The following METTL15 variants were observed in gnomAD, a reference collection of about 807,000 sequenced individuals.
The protein encoded by METTL15 is methyltransferase 15, mitochondrial 12S rRNA N4-cytidine.
Under a neutral mutation model 38.3 loss-of-function variants are expected in METTL15, and 34 were observed. The observed-to-expected ratio is 0.89, with a 90% CI of 0.68 to 1.18. The LOEUF (loss-of-function observed/expected upper bound fraction) is 1.18, where lower values mean the gene tolerates loss of function less well. Among genes scored for constraint, METTL15 ranks in the 50% most tolerant of loss-of-function variants. The probability of loss-of-function intolerance (pLI) is 0.00; values close to 1 mark genes in which losing one functional copy is unlikely to be tolerated. For synonymous variants in METTL15, 162 were observed against 170.9 expected (o/e 0.95, Z 0.41); for missense variants, 438 against 498.4 (o/e 0.88, Z 1.15).
At chr11:28,428,125 A>T (rs1415495929) in intron 6 of METTL15, among the ~76,000 whole-genome samples, 2 of 152,218 alleles carry the variant, frequency 1.3e-5, no homozygotes, top group Non-Finnish European at 2.9e-5. Flanking sequence ...GTCATTAGGT[A>T]ATTTTGTACA....
chr11:28,328,039 C>T, intron 6 of METTL15: 1 of 1,549,918 alleles, frequency 6.5e-7, no homozygotes, highest in South Asian at 1.2e-5. Context: ...TTTATGTGCT[C>T]CATGAATGTT....
At chr11:28,311,538 A>G (rs994481534) in intron 6 of METTL15, among the ~76,000 whole-genome samples, 6 of 152,204 alleles carry the variant, frequency 3.9e-5, no homozygotes, top group African/African-American at 1.4e-4. Context: ...AATTTACTTG[A>G]ATACTTTACA....
intron 6 of METTL15, among the ~76,000 whole-genome samples, chr11:28,440,325 A>C (rs1590375782): frequency 6.6e-6 from 1 of 152,190 alleles, no homozygotes; most frequent in African/African-American, 2.4e-5. Context: ...TAATAATATA[A>C]AAATTGCTTA....
chr11:28,444,812 C>T (rs570452587), intron 6 of METTL15, among the ~76,000 whole-genome samples: 41 of 152,276 alleles, frequency 2.7e-4, no homozygotes, highest in Admixed American at 2.0e-3. Flanking sequence ...GTAGCCTACA[C>T]GGAAATAAAC....
At chr11:28,434,458 C>T (rs1850963875) in intron 6 of METTL15, among the ~76,000 whole-genome samples, 1 of 152,224 alleles carries the variant, frequency 6.6e-6, no homozygotes, top group South Asian at 2.1e-4. Context: ...TTGTTGAATT[C>T]TCATATTGGT....
intron 5 of METTL15, among the ~76,000 whole-genome samples, chr11:28,296,338 T>C (rs1046471998): frequency 6.6e-6 from 1 of 152,150 alleles, no homozygotes; most frequent in Non-Finnish European, 1.5e-5. Context: ...GTTCTTGAGT[T>C]AGACTTTTTA....
intron 5 of METTL15, among the ~76,000 whole-genome samples, chr11:28,370,330 G>A (rs1850230319): frequency 6.6e-6 from 1 of 150,486 alleles, no homozygotes; most frequent in African/African-American, 2.4e-5. Context: ...TCTCTGCTTG[G>A]CTTATTTTAT....
intron 3 of METTL15, among the ~76,000 whole-genome samples, chr11:28,136,553 T>G (rs1849520786): frequency 6.6e-6 from 1 of 152,220 alleles, no homozygotes; most frequent in Non-Finnish European, 1.5e-5. Flanking sequence ...AATAACATAA[T>G]AACCTTAATT....
At position 28,330,475 on chromosome 11, in the gene METTL15, G is replaced by C; in HGVS notation, c.858G>C (p.Gln286His). 6.4e-7 allele frequency: 1 copy of C among 1,551,476 alleles called. No individual in the cohort carries two copies. The highest frequency in any genetic ancestry group is 8.7e-7 in the Non-Finnish European group (1 of 1,146,862). The change falls in exon 7 of 7, where the codon CAG (glutamine) becomes CAC (histidine). Residue 286 changes from glutamine to histidine, a missense_variant. By Grantham distance (24) the Gln-to-His change is conservative. Transcript: ENST00000407364. The stretch of plus-strand genomic sequence containing the variant: ...CCCATATTGCCACCAAGACTTTCCA[G>C]GCTCTTCGCATATTTGTGAACAATG... ...RSTHIATKTF[Q>H]ALRIFVNNEL...
In METTL15 at chr11:28,135,551, C is replaced by G. The variant is rs1053470408; in HGVS notation, c.270+21947C>G. Among the ~76,000 whole-genome samples the G allele has an allele frequency of 1.5e-4, 23 of 152,314 alleles. No individual in the cohort carries two copies. In the South Asian group the frequency reaches 2.1e-3, roughly 14 times the overall value. ...AGATTTCCCAAGGGGCTTTTATTGG[C>G]TCTGCAAGCCATGCTTGATTCCTTA... On this transcript the variant is annotated intron_variant, in intron 3 of 6. Transcript: ENST00000407364.
At chr11:28,439,901 G>C (rs1851019492) in intron 6 of METTL15, among the ~76,000 whole-genome samples, 1 of 152,228 alleles carries the variant, frequency 6.6e-6, no homozygotes, top group Non-Finnish European at 1.5e-5. Context: ...CCAGATACAA[G>C]AAAATGTTCT....
intron 5 of METTL15, among the ~76,000 whole-genome samples, chr11:28,392,085 C>A (rs1365051157): frequency 1.3e-5 from 2 of 152,068 alleles, no homozygotes; most frequent in Non-Finnish European, 2.9e-5. Context: ...GGCTAATATC[C>A]AGAATCTACT....
chr11:28,200,462 A>G (rs149793541), intron 3 of METTL15, among the ~76,000 whole-genome samples: 7 of 152,286 alleles, frequency 4.6e-5, no homozygotes, highest in Admixed American at 2.0e-4. Context: ...TGTAACATAC[A>G]TAGTCGTTAT....
chr11:28,385,307 G>A (rs1413115751), intron 5 of METTL15, among the ~76,000 whole-genome samples: 7 of 152,098 alleles, frequency 4.6e-5, no homozygotes, highest in Admixed American at 1.3e-4. Flanking sequence ...TGCATCTTGA[G>A]TTGGTTTTTG....
At chr11:28,185,091 ACT>A (rs1851446670) in intron 3 of METTL15, among the ~76,000 whole-genome samples, 1 of 151,542 alleles carries the variant, frequency 6.6e-6, no homozygotes, top group South Asian at 2.1e-4. Context: ...AGAGTCTTTA[ACT>A]GTTTTCTAAT....
chr11:28,410,097 A>G (rs1175646732), intron 5 of METTL15, among the ~76,000 whole-genome samples: 1 of 152,184 alleles, frequency 6.6e-6, no homozygotes, highest in Non-Finnish European at 1.5e-5. Flanking sequence ...TATCAATAAC[A>G]AATAAAGAGA....
chr11:28,251,380 T>G (rs1854736207), intron 4 of METTL15, among the ~76,000 whole-genome samples: 1 of 152,220 alleles, frequency 6.6e-6, no homozygotes, highest in Non-Finnish European at 1.5e-5. Context: ...AACTTTAGGT[T>G]GAACATTCCT....
the METTL15 span, among the ~76,000 whole-genome samples, chr11:28,532,217 G>A: frequency 2.6e-5 from 4 of 151,964 alleles, no homozygotes; most frequent in Admixed American, 2.6e-4. Context: ...TAAACCCTTG[G>A]ATTTTGGTGG....
chr11:28,323,575 A>G lies in METTL15; in HGVS notation c.779-6821A>G, dbSNP rs57165287. ...CAGGTCAAAGGACTTAGGCAGGACC[A>G]TGCCAAGGTTCAGTTAAGAGCAAGG... On this transcript the variant is annotated intron_variant, in intron 6 of 6. Transcript: ENST00000407364. Among the ~76,000 whole-genome samples, 688 of 152,298 alleles carry G rather than the reference A, an allele frequency of 4.5e-3. 8 individuals are homozygous for G. Among genetic ancestry groups the G allele is most frequent in the African/African-American group, 0.016 (662 of 41,586 alleles).
Sources: gnomAD v4.1 joint callset for allele counts (sites outside exome capture counted in the v4.1 genomes callset) on GRCh38, gnomAD v4.1.1 for gene constraint, MANE v1.5 for transcripts, NCBI Gene and HGNC (gene_info 2026-07-23, HGNC 2026-07-21) for gene names.